Variants in ARID3B observed in about 807,000 individuals in gnomAD.
ARID3B encodes AT-rich interaction domain 3B.
A neutral mutation model predicts 51.9 loss-of-function variants in ARID3B; 10 were observed. The ratio of observed to expected loss-of-function variants is 0.19; its 90% CI spans 0.12 to 0.33. ARID3B has a LOEUF of 0.33. Among genes scored for constraint, ARID3B ranks in the 10% least tolerant of loss-of-function variants. ARID3B has a pLI of 1.00. For synonymous variants in ARID3B, 205 were observed against 279.5 expected, an observed-to-expected ratio of 0.73 and a Z score of 2.66; for missense variants, 483 against 716.3, an observed-to-expected ratio of 0.67 and a Z score of 3.72.
chr15:74,545,397 G>T (rs554060895), intron 2 of ARID3B, among the ~76,000 whole-genome samples: 1 of 152,296 alleles, frequency 6.6e-6, no homozygotes, highest in South Asian at 2.1e-4. Flanking sequence ...CTTCCAAATG[G>T]CTGAGTATCA....
At chr15:74,554,037 C>T (rs2061647590) in intron 2 of ARID3B, among the ~76,000 whole-genome samples, 1 of 151,844 alleles carries the variant, frequency 6.6e-6, no homozygotes, top group Non-Finnish European at 1.5e-5. Flanking sequence ...GACAGAGTCT[C>T]GCTCTGTCGC....
chr15:74,543,123 C>T (rs943454231), intron 1 of ARID3B, among the ~76,000 whole-genome samples: 10 of 152,198 alleles, frequency 6.6e-5, no homozygotes, highest in Non-Finnish European at 1.5e-4. Flanking sequence ...CAGAGGAATT[C>T]CCCCGTTTGC....
chr15:74,558,760 G>T (rs912195330), intron 2 of ARID3B, among the ~76,000 whole-genome samples: 2 of 151,640 alleles, frequency 1.3e-5, no homozygotes, highest in African/African-American at 2.4e-5. Context: ...GTTTGTTTTT[G>T]TTTTTTTTCC....
At chr15:74,580,501 G>A (rs755015065) in intron 4 of ARID3B, among the ~76,000 whole-genome samples, 2 of 152,170 alleles carry the variant, frequency 1.3e-5, no homozygotes, top group Non-Finnish European at 2.9e-5. Flanking sequence ...TGATTTTACT[G>A]TTACTTGCAT....
intron 2 of ARID3B, among the ~76,000 whole-genome samples, chr15:74,555,275 G>A (rs2061653368): frequency 6.6e-6 from 1 of 152,140 alleles, no homozygotes; most frequent in Non-Finnish European, 1.5e-5. Context: ...GAAGCTTGGA[G>A]TGGCTGTGGC....
rs752141154 is a variant in ARID3B at position 74,545,909 on chromosome 15, TAA to T, written c.552+1425_552+1426del. 7.5e-4 allele frequency among the ~76,000 whole-genome samples: 114 copies of T among 152,246 alleles called. 1 individual carries two copies. Among genetic ancestry groups the T allele is most frequent in the Admixed American group, 3.1e-3 (47 of 15,290 alleles). On this transcript the variant is annotated intron_variant, in intron 2 of 8. Coordinates refer to ENST00000346246, the MANE Select transcript of ARID3B (RefSeq NM_006465.4). ...AGCCTGTGTCTTCTCATCTGTGAAA[TAA>T]AAAGAGTGCCACTGCCTCCCATGGA...
intron 2 of ARID3B, among the ~76,000 whole-genome samples, chr15:74,565,873 C>G (rs2061696341): frequency 6.6e-6 from 1 of 152,154 alleles, no homozygotes; most frequent in South Asian, 2.1e-4. Context: ...TGCCAGGTGC[C>G]ATAACCTGGC....
At chr15:74,554,430 G>A (rs1245695147) in intron 2 of ARID3B, among the ~76,000 whole-genome samples, 1 of 151,954 alleles carries the variant, frequency 6.6e-6, no homozygotes, top group Non-Finnish European at 1.5e-5. Context: ...AGCCTCCCAA[G>A]TACCTGGGAT....
intron 4 of ARID3B, among the ~76,000 whole-genome samples, chr15:74,579,314 G>A (rs540887862): frequency 9.9e-5 from 15 of 152,158 alleles, no homozygotes; most frequent in African/African-American, 3.4e-4. Flanking sequence ...AGCAACCTGC[G>A]CATAAAGAAG....
chr15:74,564,041 A>G (rs1328714302), intron 2 of ARID3B, among the ~76,000 whole-genome samples: 1 of 152,168 alleles, frequency 6.6e-6, no homozygotes. Flanking sequence ...GCTGCTAGCA[A>G]GAGGTGGGAA....
intron 4 of ARID3B, among the ~76,000 whole-genome samples, chr15:74,589,021 CTTTTTTTTTTTTTT>C (rs900091332): frequency 1.1e-5 from 1 of 87,808 alleles, no homozygotes; most frequent in Admixed American, 1.6e-4. Context: ...CAAGCACACT[CTTTTTTTTTTTTTT>C]TTTTTTTTTT....
intron 2 of ARID3B, among the ~76,000 whole-genome samples, chr15:74,549,042 G>A (rs2061625932): frequency 6.6e-6 from 1 of 151,854 alleles, no homozygotes; most frequent in Non-Finnish European, 1.5e-5. Flanking sequence ...TCTAATTAAG[G>A]TGTAGTCCCT....
At chr15:74,572,117 GAA>G (rs914163442) in intron 2 of ARID3B, among the ~76,000 whole-genome samples, 1 of 139,046 alleles carries the variant, frequency 7.2e-6, no homozygotes, top group Non-Finnish European at 1.6e-5. Flanking sequence ...CTCAGAAAAA[GAA>G]AAAAAAAAAA....
chr15:74,566,621 A>G (rs918065630), intron 2 of ARID3B, among the ~76,000 whole-genome samples: 1 of 151,578 alleles, frequency 6.6e-6, no homozygotes, highest in South Asian at 2.1e-4. Flanking sequence ...AAAAAAAGAG[A>G]CTAAATAAAT....
At chr15:74,551,154 A>C (rs1259973931) in intron 2 of ARID3B, among the ~76,000 whole-genome samples, 1 of 152,252 alleles carries the variant, frequency 6.6e-6, no homozygotes, top group Non-Finnish European at 1.5e-5. Flanking sequence ...AAGTGGACCC[A>C]GGCAGTTCAA....
chr15:74,558,388 T>C (rs1249413237), intron 2 of ARID3B, among the ~76,000 whole-genome samples: 1 of 152,138 alleles, frequency 6.6e-6, no homozygotes, highest in Non-Finnish European at 1.5e-5. Flanking sequence ...TATGGCTCTT[T>C]AAAAAATGGT....
intron 2 of ARID3B, among the ~76,000 whole-genome samples, chr15:74,553,358 C>T (rs760473133): frequency 2.0e-5 from 3 of 152,150 alleles, no homozygotes; most frequent in Non-Finnish European, 2.9e-5. Context: ...TTTAGTTTTA[C>T]GTTGAACACA....
At chr15:74,578,224 A>T (rs984271212) in intron 4 of ARID3B, among the ~76,000 whole-genome samples, 2 of 145,976 alleles carry the variant, frequency 1.4e-5, no homozygotes, top group East Asian at 4.2e-4. Flanking sequence ...CCCAGGCTGG[A>T]GTGTAGTGGC....
chr15:74,554,845 A>G (rs1271140413), intron 2 of ARID3B, among the ~76,000 whole-genome samples: 2 of 152,196 alleles, frequency 1.3e-5, no homozygotes, highest in Non-Finnish European at 2.9e-5. Flanking sequence ...ACAATAAAGC[A>G]ATATTGCAAT....
Sources: allele counts gnomAD v4.1 joint callset (sites outside exome capture counted in the v4.1 genomes callset), GRCh38; gene constraint gnomAD v4.1.1; transcripts MANE v1.5; gene names NCBI Gene and HGNC (gene_info 2026-07-23, HGNC 2026-07-21).